DLG3: variants seen among roughly 807,000 people sequenced by gnomAD.
DLG3 encodes disks large homolog 3.
DLG3 carries 1 observed loss-of-function variant against 64.1 expected under a neutral mutation model. The observed-to-expected ratio is 0.02, with a 90% CI of 0.01 to 0.07. The LOEUF (loss-of-function observed/expected upper bound fraction) is 0.07, where lower values mean the gene tolerates loss of function less well. DLG3 is among the 10% of genes least tolerant of loss of function. The probability of loss-of-function intolerance (pLI) is 1.00; values close to 1 mark genes in which losing one functional copy is unlikely to be tolerated. For synonymous variants in DLG3, 245 were observed against 259.8 expected (o/e 0.94, Z 0.55); for missense variants, 429 against 669.5 (o/e 0.64, Z 3.96).
At chrX:70,486,904 T>G (rs2147860841) in intron 10 of DLG3, among the ~76,000 whole-genome samples, 1 of 111,571 alleles carries the variant, frequency 9.0e-6, no homozygotes, top group East Asian at 2.8e-4. Flanking sequence ...ATGAGCCATT[T>G]ATTTGTGAGA....
intron 10 of DLG3, among the ~76,000 whole-genome samples, chrX:70,484,111 G>A (rs960444101): frequency 9.8e-5 from 11 of 111,797 alleles, no homozygotes; most frequent in Admixed American, 3.8e-4. Flanking sequence ...GTAAAGCAAA[G>A]ACCCTTGTGC....
intron 1 of DLG3, among the ~76,000 whole-genome samples, chrX:70,446,963 C>A (rs2086574728): frequency 1.8e-5 from 2 of 112,511 alleles, no homozygotes; most frequent in Non-Finnish European, 3.8e-5. Context: ...TTCTGTCTGT[C>A]CACACTTACT....
intron 1 of DLG3, 53 bp downstream of exon 1, chrX:70,445,611 T>G: frequency 9.1e-7 from 1 of 1,098,765 alleles, no homozygotes; most frequent in African/African-American, 1.9e-5. Flanking sequence ...GGCTGGAGAG[T>G]GGGGGCCTAG....
chrX:70,489,992 A>G (rs2087328920), intron 10 of DLG3, among the ~76,000 whole-genome samples: 2 of 110,445 alleles, frequency 1.8e-5, no homozygotes, highest in Non-Finnish European at 3.8e-5. Flanking sequence ...CCTCCCGAGT[A>G]GCTGAAATTA....
intron 12 of DLG3, chrX:70,493,476 G>GT: frequency 8.4e-7 from 1 of 1,192,618 alleles, no homozygotes; most frequent in Non-Finnish European, 1.1e-6. Flanking sequence ...ATACAGGAAC[G>GT]TAAGTAGCAG....
chrX:70,454,519 T>G (rs2086668038), intron 9 of DLG3, among the ~76,000 whole-genome samples: 1 of 111,789 alleles, frequency 8.9e-6, no homozygotes, highest in Non-Finnish European at 1.9e-5. Context: ...GCTCAGAGCC[T>G]GCTGATGTGG....
rs1269025786 is a variant in DLG3 at position 70,479,253 on chromosome X, C to T, written c.1509C>T (p.Ser503=). 8.3e-7 allele frequency: 1 copy of T among 1,203,836 alleles called. No homozygotes were observed. The highest frequency in any genetic ancestry group is 1.1e-6 in the Non-Finnish European group (1 of 888,132). ...CCCTCCGAACAAGTGAAAAGAGGTC[C>T]TTGTATGTCAGGTAAGTTGCCCTTC... ...SGSLRTSEKR[S]LYVRALFDYD... is the part of the protein sequence containing the mutation. The change falls in exon 10 of 19, where the codon TCC becomes TCT. Residue 503 remains serine, a synonymous_variant. Transcript: ENST00000374360.
chrX:70,460,494 T>G (rs2086784994), intron 9 of DLG3, among the ~76,000 whole-genome samples: 1 of 112,136 alleles, frequency 8.9e-6, no homozygotes, highest in South Asian at 3.7e-4. Flanking sequence ...GGAGTTGGTT[T>G]GCCTGACTTA....
chrX:70,477,530 C>A (rs763967538), intron 9 of DLG3, among the ~76,000 whole-genome samples: 2 of 111,507 alleles, frequency 1.8e-5, no homozygotes, highest in Non-Finnish European at 3.8e-5. Flanking sequence ...GTTGGGGCAC[C>A]TCATTGATAT....
intron 10 of DLG3, among the ~76,000 whole-genome samples, chrX:70,485,828 A>G (rs1314118535): frequency 9.0e-6 from 1 of 111,521 alleles, no homozygotes; most frequent in Admixed American, 9.6e-5. Context: ...TTGCTTTTCC[A>G]TCCAGCAGAG....
rs1225496825 is a variant in DLG3 at position 70,503,381 on chromosome X, C to T, written c.*1112C>T. The T allele has an allele frequency of 8.9e-6, 1 of 112,194 alleles. No individual in the cohort carries two copies. Among genetic ancestry groups the T allele is most frequent in the Non-Finnish European group, 1.9e-5 (1 of 53,215 alleles). The allele number at this position is 112,194 out of a possible 1,213,427, so 9.2% of individuals were successfully genotyped here. A position where few individuals can be genotyped will look rare whatever the true frequency, so the allele number is the denominator to read the frequency against. ...AAGGCTTATGAGGTCCTGAAGGAGC[C>T]AGGCCTTGTGATGGAGTAGGTGACA... is the stretch of plus-strand genomic sequence containing the variant. On this transcript the variant is annotated 3_prime_UTR_variant, in exon 19 of 19. Coordinates refer to ENST00000374360, the MANE Select transcript of DLG3 (RefSeq NM_021120.4).
Position 70,445,476 on chromosome X carries a change from G to T in DLG3, c.275G>T (p.Gly92Val). The T allele has an allele frequency of 8.3e-7, 1 of 1,202,186 alleles. No individual in the cohort carries two copies. The highest frequency in any genetic ancestry group is 1.1e-6 in the Non-Finnish European group (1 of 891,139). ...VGPVPPKPVP[G>V]KSTPKLNGSG... is the part of the protein sequence containing the mutation. ...CCGGTGCCTCCTAAGCCAGTCCCGG[G>T]CAAGAGCACCCCCAAACTCAACGGC... is the stretch of plus-strand genomic sequence containing the variant. The change falls in exon 1 of 19, where the codon GGC (glycine) becomes GTC (valine). Residue 92 changes from glycine to valine, a missense_variant. By Grantham distance (109) the Gly-to-Val change is moderately radical. Around this residue, in one of 9 missense-constraint regions of DLG3, gnomAD observed 123 missense variants for 113.3 expected, o/e 1.09. Transcript: ENST00000374360.
intron 10 of DLG3, among the ~76,000 whole-genome samples, chrX:70,483,546 C>T (rs1419143604): frequency 8.9e-6 from 1 of 112,396 alleles, no homozygotes; most frequent in African/African-American, 3.2e-5. Flanking sequence ...GATTATTTTG[C>T]TTTCCTTCCC....
chrX:70,447,562 G>A (rs2086580904), intron 1 of DLG3, among the ~76,000 whole-genome samples: 1 of 112,068 alleles, frequency 8.9e-6, no homozygotes, highest in African/African-American at 3.2e-5. Flanking sequence ...AAGCTGTGTG[G>A]GGTGGAGGTG....
intron 9 of DLG3, among the ~76,000 whole-genome samples, chrX:70,463,350 T>A (rs2086836002): frequency 9.0e-6 from 1 of 110,697 alleles, no homozygotes; most frequent in South Asian, 3.8e-4. Flanking sequence ...GTTCATCATG[T>A]TGGCCAGGCT....
At chrX:70,471,520 G>A (rs1311285918) in intron 9 of DLG3, among the ~76,000 whole-genome samples, 3 of 110,383 alleles carry the variant, frequency 2.7e-5, no homozygotes, top group Non-Finnish European at 5.7e-5. Flanking sequence ...CAGTAGAGAC[G>A]GGGTTTCACT....
chrX:70,449,611 G>T, intron 3 of DLG3, 79 bp from the exon 4 acceptor site: 1 of 1,159,739 alleles, frequency 8.6e-7, no homozygotes, highest in Non-Finnish European at 1.2e-6. Flanking sequence ...AGGAGGGGAG[G>T]ACAGAGAAGT....
chrX:70,479,160 C>T lies in DLG3; in HGVS notation c.1416C>T (p.Arg472=), dbSNP rs1196264771. The change falls in exon 10 of 19, where the codon CGC becomes CGT. Residue 472 remains arginine, a synonymous_variant. Coordinates refer to ENST00000374360, the MANE Select transcript of DLG3 (RefSeq NM_021120.4). ...VAQYRPEEYS[R]FESKIHDLRE... is the part of the protein sequence containing the mutation. ...TTGTTTCCGTGACAGAATACAGTCGCTTTGAATCGAAGATACATGACTTAC... is the reference window on the plus strand; with the variant it reads ...TTGTTTCCGTGACAGAATACAGTCGTTTTGAATCGAAGATACATGACTTAC... 1 of 1,206,643 alleles carries T rather than the reference C, an allele frequency of 8.3e-7. No individual in the cohort carries two copies. The highest frequency in any genetic ancestry group is 1.1e-6 in the Non-Finnish European group (1 of 891,999).
chrX:70,453,087 A>G (rs1001127763), intron 7 of DLG3: 2 of 208,814 alleles, frequency 9.6e-6, no homozygotes, highest in African/African-American at 2.9e-5. Flanking sequence ...CTGGGGCTAC[A>G]TAGTGTTAGC....
Sources: gnomAD v4.1 joint callset for allele counts (sites outside exome capture counted in the v4.1 genomes callset) on GRCh38, gnomAD v4.1.1 for gene constraint, gnomAD v4.1.1 regional missense constraint, MANE v1.5 for transcripts, NCBI Gene and HGNC (gene_info 2026-07-23, HGNC 2026-07-21) for gene names.